The following PCSK7 variants were observed in gnomAD, a reference collection of about 807,000 sequenced individuals.
The protein encoded by PCSK7 is proprotein convertase subtilisin/kexin type 7.
In PCSK7, 38 loss-of-function variants were observed where a neutral mutation model predicts 73.3. The observed-to-expected ratio is 0.52, with a 90% CI of 0.40 to 0.68. The LOEUF (loss-of-function observed/expected upper bound fraction) is 0.68. PCSK7 is among the 30% of genes least tolerant of loss of function. The probability of loss-of-function intolerance (pLI) is 0.00; values close to 1 mark genes in which losing one functional copy is unlikely to be tolerated. For synonymous variants in PCSK7, 296 were observed against 383.8 expected, an observed-to-expected ratio of 0.77 and a Z score of 2.68; for missense variants, 692 against 991.5, an observed-to-expected ratio of 0.70 and a Z score of 4.06.
In PCSK7 at chr11:117,208,011, TC is replaced by T. The variant is rs1351819961; in HGVS notation, c.1744del (p.Glu582ArgfsTer29). On this transcript the variant is annotated frameshift_variant, in exon 14 of 17. Coordinates refer to ENST00000320934, the MANE Select transcript of PCSK7 (RefSeq NM_004716.4). LOFTEE classifies it high-confidence loss of function. ...WTFSTVRCWG[E>X]RARGTYRLVI... Reference sequence around the variant, plus strand: ...AAGCCTGTAGGTCCCTCGGGCTCTCTCCCCCCAGCATCGCACAGTGGAGAAG... The same window carrying T: ...AAGCCTGTAGGTCCCTCGGGCTCTCTCCCCCAGCATCGCACAGTGGAGAAG... 9 of 604,334 alleles carry T rather than the reference TC, an allele frequency of 1.5e-5. No individual in the cohort carries two copies. The highest frequency in any genetic ancestry group is 2.4e-5 in the Non-Finnish European group (8 of 338,656). 37.4% of individuals were successfully genotyped at this position (604,334 alleles called of 1,614,324 possible).
chr11:117,205,520 G>A lies in PCSK7; in HGVS notation c.*477C>T, dbSNP rs564144011. On this transcript the variant is annotated 3_prime_UTR_variant, in exon 17 of 17. Transcript: ENST00000320934. ...GTTTCTGATCAGGCATCTTGGGAAT[G>A]GATAATGGAGGCAGCCGCTTTCAGG... 4.3e-6 allele frequency: 1 copy of A among 234,878 alleles called. No individual in the cohort carries two copies. Among genetic ancestry groups the A allele is most frequent in the South Asian group, 1.8e-4 (1 of 5,540 alleles). 14.5% of individuals were successfully genotyped at this position (234,878 alleles called of 1,614,324 possible). A position where few individuals can be genotyped will look rare whatever the true frequency, so the allele number is the denominator to read the frequency against.
intron 12 of PCSK7, chr11:117,215,380 G>GTGTGTGTGTATATATATATATATATATA (rs1164738557): frequency 1.8e-5 from 1 of 55,896 alleles, no homozygotes; most frequent in Non-Finnish European, 2.8e-5. Flanking sequence ...GTGTGTGTGT[G>GTGTGTGTGTATATATATATATATATATA]TATATATATA....
intron 7 of PCSK7, among the ~76,000 whole-genome samples, chr11:117,224,492 G>A (rs932114589): frequency 6.6e-6 from 1 of 152,140 alleles, no homozygotes; most frequent in Admixed American, 6.5e-5. Context: ...AGGATAAGAT[G>A]AAAGGGAAAC....
chr11:117,219,508 G>T, intron 10 of PCSK7, 83 bp downstream of exon 10: 2 of 1,274,824 alleles, frequency 1.6e-6, no homozygotes, highest in South Asian at 1.3e-5. Context: ...TAACATTTGG[G>T]ACATTGAGAA....
At chr11:117,212,230 C>T (rs2031759240) in intron 12 of PCSK7, 1 of 151,884 alleles carries the variant, frequency 6.6e-6, no homozygotes, top group Non-Finnish European at 1.5e-5. Context: ...GATCTACTTT[C>T]GTGTTTCTAA....
Position 117,226,024 on chromosome 11 carries a change from A to T in PCSK7, c.770-3T>A. ...AGGTCCATCCAGTACCCGGATACCT[A>T]GGCAATGAAGGCCACAGCAGCTCCT... is the stretch of plus-strand genomic sequence containing the variant. On this transcript the variant is annotated splice_region_variant and splice_polypyrimidine_tract_variant and intron_variant, in intron 5 of 16. Coordinates refer to ENST00000320934, the MANE Select transcript of PCSK7 (RefSeq NM_004716.4). The T allele has an allele frequency of 6.5e-7, 1 of 1,547,384 alleles. No homozygotes were observed. The highest frequency in any genetic ancestry group is 8.9e-7 in the Non-Finnish European group (1 of 1,119,106).
intron 5 of PCSK7, chr11:117,226,516 C>G (rs540412521): frequency 1.1e-4 from 17 of 160,162 alleles, no homozygotes; most frequent in Non-Finnish European, 5.5e-5. Flanking sequence ...TAGAGAGAGA[C>G]AAAGTCTGGC....
At chr11:117,224,870 A>G (rs2032351775) in intron 6 of PCSK7, 115 bp from the exon 7 acceptor site, 8 of 776,374 alleles carry the variant, frequency 1.0e-5, no homozygotes, top group South Asian at 5.7e-5. Context: ...ACTCCTCCCA[A>G]GGGTTCCACT....
In PCSK7 at chr11:117,206,364, C is replaced by T. The variant is rs762390432; in HGVS notation, c.1999-8G>A. On this transcript the variant is annotated splice_region_variant and splice_polypyrimidine_tract_variant and intron_variant, in intron 16 of 16. Transcript: ENST00000320934. ...GCCTACCAGCACCAGGGTCTGGGGCCGAGGCAAGCACCTACGTGAGGCACT... is the reference window on the plus strand; with the variant it reads ...GCCTACCAGCACCAGGGTCTGGGGCTGAGGCAAGCACCTACGTGAGGCACT... 1.9e-6 allele frequency: 3 copies of T among 1,599,802 alleles called. No individual in the cohort carries two copies. The highest frequency in any genetic ancestry group is 2.2e-5 in the South Asian group (2 of 89,004).
intron 5 of PCSK7, 51 bp from the exon 6 acceptor site, chr11:117,226,072 G>T (rs765240566): frequency 3.9e-6 from 4 of 1,024,098 alleles, no homozygotes; most frequent in Non-Finnish European, 4.7e-6. Context: ...TCTCCTAGCC[G>T]GGGAACTGGG....
At chr11:117,219,346 C>T in intron 10 of PCSK7, 182 bp from the exon 11 acceptor site, 1 of 632,400 alleles carries the variant, frequency 1.6e-6, no homozygotes, top group Non-Finnish European at 2.7e-6. Context: ...GTCACCACCC[C>T]ACTGGCTTGC....
rs2032076719 is a variant in PCSK7 at position 117,218,528 on chromosome 11, G to A, written c.1472C>T (p.Pro491Leu). The A allele has an allele frequency of 6.2e-7, 1 of 1,610,416 alleles. No individual in the cohort carries two copies. The highest frequency in any genetic ancestry group is 1.3e-5 in the African/African-American group (1 of 74,678). ...AATCGCCTTGTTTTCTTTTAACACGGGACTGACGTAGGATGCTAAGTAAGG... is the reference window on the plus strand; with the variant it reads ...AATCGCCTTGTTTTCTTTTAACACGAGACTGACGTAGGATGCTAAGTAAGG... Reference protein sequence around the residue: ...SVPYLASYVSPVLKENKAIPQ... With the variant: ...SVPYLASYVSLVLKENKAIPQ... The change falls in exon 12 of 17, where the codon CCC becomes CTC. Residue 491 changes from proline to leucine, a missense_variant. Pro to Leu is a moderately conservative substitution (Grantham distance 98, BLOSUM62 -3). Coordinates refer to ENST00000320934, the MANE Select transcript of PCSK7 (RefSeq NM_004716.4). The surrounding 1 kb of genome is among the most constrained non-coding windows in gnomAD (Gnocchi z 4.0).
chr11:117,219,831 G>A, intron 9 of PCSK7, 73 bp from the exon 10 acceptor site: 4 of 1,200,888 alleles, frequency 3.3e-6, no homozygotes, highest in Non-Finnish European at 4.6e-6. Flanking sequence ...TGCACCTATA[G>A]TCCCGGCTAC....
At chr11:117,210,793 G>A (rs2031695889) in intron 12 of PCSK7, 1 of 152,296 alleles carries the variant, frequency 6.6e-6, no homozygotes, top group South Asian at 2.1e-4. Flanking sequence ...AAATTAGCTG[G>A]ATATAGTGGT....
intron 12 of PCSK7, chr11:117,216,264 G>C (rs1161697808): frequency 6.6e-6 from 1 of 152,118 alleles, no homozygotes; most frequent in Non-Finnish European, 1.5e-5. Flanking sequence ...AGTCTTAGAG[G>C]TATTTAGCCT....
chr11:117,228,740 G>A (rs915587579), intron 3 of PCSK7, among the ~76,000 whole-genome samples: 7 of 151,726 alleles, frequency 4.6e-5, no homozygotes, highest in African/African-American at 1.5e-4. Context: ...CCTGCCTCAG[G>A]CTTCCGAGTA....
At chr11:117,217,318 A>G (rs1238342437) in intron 12 of PCSK7, 1 of 152,220 alleles carries the variant, frequency 6.6e-6, no homozygotes, top group African/African-American at 2.4e-5. Context: ...CCCTGGATAG[A>G]AGGTAAAGTT....
intron 9 of PCSK7, chr11:117,220,359 C>T (rs2032143578): frequency 6.6e-6 from 1 of 152,644 alleles, no homozygotes; most frequent in Non-Finnish European, 1.5e-5. Flanking sequence ...CCTCCTGCTT[C>T]AGCTTCCCAT....
intron 12 of PCSK7, chr11:117,215,406 A>ATATATATATTTTT (rs1555044281): frequency 5.5e-5 from 3 of 54,594 alleles, no homozygotes; most frequent in African/African-American, 5.5e-4. Context: ...ATATATATAT[A>ATATATATATTTTT]CTTTTTTTTT....
Sources: allele counts gnomAD v4.1 joint callset (sites outside exome capture counted in the v4.1 genomes callset), GRCh38; gene constraint gnomAD v4.1.1; non-coding constraint Gnocchi (gnomAD v3.1); transcripts MANE v1.5; gene names NCBI Gene and HGNC (gene_info 2026-07-23, HGNC 2026-07-21).